Variants in ARID5A observed in about 807,000 individuals in gnomAD.
ARID5A encodes the protein AT-rich interaction domain 5A, also known as AT-rich interactive domain-containing protein 5A.
ARID5A carries 14 observed loss-of-function variants against 30.5 expected under a neutral mutation model. That is an observed-to-expected ratio of 0.46 (90% CI 0.30 to 0.72). The LOEUF (loss-of-function observed/expected upper bound fraction) is 0.72. Ranked by LOEUF, ARID5A falls within the 30% of genes least tolerant of loss-of-function variation. The pLI, the probability that ARID5A is intolerant of heterozygous loss-of-function variation, is 0.07. For missense variants in ARID5A, 669 were observed against 786.2 expected, an observed-to-expected ratio of 0.85 and a Z score of 1.78; for synonymous variants, 338 against 340.4, an observed-to-expected ratio of 0.99 and a Z score of 0.08.
rs930170207 is a variant in ARID5A, at chr2:96,549,742, C to T, written c.260-11C>T. On this transcript the variant is annotated splice_polypyrimidine_tract_variant and intron_variant, in intron 3 of 6. Coordinates refer to ENST00000357485, the MANE Select transcript of ARID5A (RefSeq NM_212481.3). The surrounding 1 kb of genome is among the most constrained non-coding windows in gnomAD (Gnocchi z 6.1). ...AGAGACTGACGGCCAGCCTGCTCTT[C>T]TCTCCCCCAGTTAACCTGTGGAAGA... 12 of 1,613,850 alleles carry T rather than the reference C, an allele frequency of 7.4e-6. No individual in the cohort carries two copies. In the African/African-American group the frequency reaches 1.5e-4, roughly 20 times the overall value.
At chr2:96,547,261 A>G in intron 1 of ARID5A, 141 bp from the exon 2 acceptor site, 1 of 641,646 alleles carries the variant, frequency 1.6e-6, no homozygotes, top group Non-Finnish European at 2.6e-6. Flanking sequence ...AAGTGCTGGG[A>G]TCACAGGAGT....
At position 96,550,859 on chromosome 2, in the gene ARID5A, C is replaced by T. The variant is rs1265282477; in HGVS notation, c.570+126C>T. On this transcript the variant is annotated intron_variant, in intron 6 of 6. Coordinates refer to ENST00000357485, the MANE Select transcript of ARID5A (RefSeq NM_212481.3). The surrounding 1 kb of genome is among the most constrained non-coding windows in gnomAD (Gnocchi z 6.6). ...GAACCTGCACCCAGGGCGGGACTTG[C>T]AAGGTTCCAGGTTCTCCACAGATGG... The T allele has an allele frequency of 7.3e-7, 1 of 1,371,270 alleles. No individual in the cohort carries two copies. The highest frequency in any genetic ancestry group is 1.5e-5 in the South Asian group (1 of 66,342). 84.9% of individuals were successfully genotyped at this position (1,371,270 alleles called of 1,614,324 possible). A position where few individuals can be genotyped will look rare whatever the true frequency, so the allele number is the denominator to read the frequency against.
At position 96,552,388 on chromosome 2, in the gene ARID5A, C is replaced by T. The variant is rs1384129488; in HGVS notation, c.*75C>T. The stretch of plus-strand genomic sequence containing the variant: ...AGGCAGGTACTGCTGCCAGGGGGCT[C>T]TGAACTAGTGCCTGCTACCCAGGAC... On this transcript the variant is annotated 3_prime_UTR_variant, in exon 7 of 7. Coordinates refer to ENST00000357485, the MANE Select transcript of ARID5A (RefSeq NM_212481.3). 6.3e-7 allele frequency: 1 copy of T among 1,597,190 alleles called. No homozygotes were observed.
In ARID5A at chr2:96,552,253, C is replaced by T. The variant is rs370124229; in HGVS notation, c.1725C>T (p.His575=). ...HRLCPASSAW[H]APPVTTYAAP... ...TTTGCCCGGCCTCATCTGCCTGGCACGCACCACCAGTCACAACCTATGCAG... is the reference window on the plus strand; with the variant it reads ...TTTGCCCGGCCTCATCTGCCTGGCATGCACCACCAGTCACAACCTATGCAG... Residue 575 remains histidine, a synonymous_variant, in exon 7 of 7, where the codon CAC becomes CAT. Transcript: ENST00000357485. 5.1e-5 allele frequency: 82 copies of T among 1,613,066 alleles called. No individual in the cohort carries two copies. Among genetic ancestry groups the T allele is most frequent in the African/African-American group, 1.2e-4 (9 of 74,956 alleles).
chr2:96,545,118 TC>T (rs559403774), intron 1 of ARID5A, among the ~76,000 whole-genome samples: 1 of 76,908 alleles, frequency 1.3e-5, no homozygotes, highest in East Asian at 6.6e-4. Context: ...CTTTTTTTCT[TC>T]TTTTTTTTTC....
chr2:96,551,521 A>C lies in ARID5A; in HGVS notation c.993A>C (p.Ala331=). 1 of 1,601,130 alleles carries C rather than the reference A, an allele frequency of 6.2e-7. No individual in the cohort carries two copies. The highest frequency in any genetic ancestry group is 1.1e-5 in the South Asian group (1 of 89,588). The change falls in exon 7 of 7, where the codon GCA becomes GCC. Residue 331 remains alanine (A), a synonymous_variant. Coordinates refer to ENST00000357485, the MANE Select transcript of ARID5A (RefSeq NM_212481.3). ...GCAGCCTCAGAGAGGAGGCGCAGGC[A>C]GGCCCCTGCCCGGCAGCCCCCATCT... is the stretch of plus-strand genomic sequence containing the variant. ...PGGSLREEAQ[A]GPCPAAPIFK... is the part of the protein sequence containing the mutation.
In ARID5A at chr2:96,549,463, C is replaced by A; in HGVS notation, c.259+4C>A. The stretch of plus-strand genomic sequence containing the variant: ...CCCCATCTCGGCTTCAAGCAGAGTG[C>A]GTCCCTGGGGTGCAGGCAGGGAGGG... On this transcript the variant is annotated splice_donor_region_variant and intron_variant, in intron 3 of 6. Transcript: ENST00000357485. The surrounding 1 kb of genome is among the most constrained non-coding windows in gnomAD (Gnocchi z 6.1). The A allele has an allele frequency of 6.2e-7, 1 of 1,612,442 alleles. No individual in the cohort carries two copies. Among genetic ancestry groups the A allele is most frequent in the Non-Finnish European group, 8.5e-7 (1 of 1,179,214 alleles).
rs1436485009 is a variant in ARID5A at position 96,550,422 on chromosome 2, G to C, written c.410+137G>C. On this transcript the variant is annotated intron_variant, in intron 5 of 6. Transcript: ENST00000357485. This position sits in a 1 kb window ranked among gnomAD's most constrained non-coding sequence, Gnocchi z 6.6. ...CCTCAGAGCTGCGGGAGCCCAGGCT[G>C]GCTGGGCGCACTCACTGAGGGAGCT... is the stretch of plus-strand genomic sequence containing the variant. 2.1e-6 allele frequency: 3 copies of C among 1,432,428 alleles called. No homozygotes were observed. In the African/African-American group the frequency reaches 4.3e-5, roughly 21 times the overall value. The allele number at this position is 1,432,428 out of a possible 1,614,324, so 88.7% of individuals were successfully genotyped here.
In ARID5A at chr2:96,552,214, C is replaced by G. The variant is rs371079913; in HGVS notation, c.1686C>G (p.Ala562=). 6.2e-7 allele frequency: 1 copy of G among 1,613,520 alleles called. No individual in the cohort carries two copies. Among genetic ancestry groups the G allele is most frequent in the Non-Finnish European group, 8.5e-7 (1 of 1,179,984 alleles). The stretch of plus-strand genomic sequence containing the variant: ...TCCCCCCAACGTCCTTCGACAGTGC[C>G]CTCCGCCACAGACTTTGCCCGGCCT... The part of the protein sequence containing the change: ...MHFPPTSFDS[A]LRHRLCPASS... Residue 562 remains alanine, a synonymous_variant, in exon 7 of 7, where the codon GCC becomes GCG. Transcript: ENST00000357485.
rs762723051 is a variant in ARID5A, at chr2:96,549,739, C to T, written c.260-14C>T. 4 of 1,613,854 alleles carry T rather than the reference C, an allele frequency of 2.5e-6. No individual in the cohort carries two copies. The Admixed American group carries it at 5.0e-5, about 20-fold the overall frequency. On this transcript the variant is annotated splice_polypyrimidine_tract_variant and intron_variant, in intron 3 of 6. Transcript: ENST00000357485. The surrounding 1 kb of genome is among the most constrained non-coding windows in gnomAD (Gnocchi z 6.1). The stretch of plus-strand genomic sequence containing the variant: ...CACAGAGACTGACGGCCAGCCTGCT[C>T]TTCTCTCCCCCAGTTAACCTGTGGA...
At position 96,549,519 on chromosome 2, in the gene ARID5A, G is replaced by A. The variant is rs1424563792; in HGVS notation, c.259+60G>A. 1 of 1,588,420 alleles carries A rather than the reference G, an allele frequency of 6.3e-7. No homozygotes were observed. ...CAGCAGGGGACCCCGCCCAGGCAGG[G>A]CATCGGGCAGGCACTCCCACTCTGG... On this transcript the variant is annotated intron_variant, in intron 3 of 6. Coordinates refer to ENST00000357485, the MANE Select transcript of ARID5A (RefSeq NM_212481.3). This position sits in a 1 kb window ranked among gnomAD's most constrained non-coding sequence, Gnocchi z 6.1.
In ARID5A at chr2:96,550,070, G is replaced by A; in HGVS notation, c.313-118G>A. 1 of 1,532,314 alleles carries A rather than the reference G, an allele frequency of 6.5e-7. No individual in the cohort carries two copies. The highest frequency in any genetic ancestry group is 8.7e-7 in the Non-Finnish European group (1 of 1,145,594). 94.9% of individuals were successfully genotyped at this position (1,532,314 alleles called of 1,614,324 possible). A position where few individuals can be genotyped will look rare whatever the true frequency, so the allele number is the denominator to read the frequency against. On this transcript the variant is annotated intron_variant, in intron 4 of 6. Transcript: ENST00000357485. This position sits in a 1 kb window ranked among gnomAD's most constrained non-coding sequence, Gnocchi z 6.6. ...AGAGAATCGGCTGGCCGCTGCTGGAGCCGCAGAGCAGCTGCCAAACTGCAG... is the reference window on the plus strand; with the variant it reads ...AGAGAATCGGCTGGCCGCTGCTGGAACCGCAGAGCAGCTGCCAAACTGCAG...
At position 96,536,759 on chromosome 2, in the gene ARID5A, A is replaced by C; in HGVS notation, c.-68A>C. 1 of 1,182,906 alleles carries C rather than the reference A, an allele frequency of 8.5e-7. No homozygotes were observed. The highest frequency in any genetic ancestry group is 1.0e-6 in the Non-Finnish European group (1 of 958,266). 73.3% of individuals were successfully genotyped at this position (1,182,906 alleles called of 1,614,324 possible). A position where few individuals can be genotyped will look rare whatever the true frequency, so the allele number is the denominator to read the frequency against. On this transcript the variant is annotated 5_prime_UTR_variant, in exon 1 of 7. Transcript: ENST00000357485. ...GCCGCGCCGCGAGCCAGTATCTCAG[A>C]GAGCGCGGGGTCCGGACAGCCGCGC...
rs527297096 is a variant in ARID5A, at chr2:96,550,232, G to A, written c.357G>A (p.Gly119=). 9.3e-4 allele frequency: 1,429 copies of A among 1,530,078 alleles called. 3 individuals carry two copies. The highest frequency in any genetic ancestry group is 1.5e-3 in the Middle Eastern group (8 of 5,220). 94.8% of individuals were successfully genotyped at this position (1,530,078 alleles called of 1,614,324 possible). ...RLWKNVYDEL[G]GSPGSTSAAT... is the part of the protein sequence containing the mutation. ...GGAAGAACGTGTACGACGAGCTGGG[G>A]GGCAGCCCAGGCAGCACCAGCGCGG... Residue 119 remains glycine (G), a synonymous_variant, in exon 5 of 7, where the codon GGG becomes GGA. Transcript: ENST00000357485. This position sits in a 1 kb window ranked among gnomAD's most constrained non-coding sequence, Gnocchi z 6.6.
At chr2:96,546,730 A>G (rs2065935525) in intron 1 of ARID5A, among the ~76,000 whole-genome samples, 1 of 152,232 alleles carries the variant, frequency 6.6e-6, no homozygotes, top group African/African-American at 2.4e-5. Context: ...TGAGGAGAGC[A>G]TGTGGCCTTA....
At chr2:96,548,858 A>G (rs2065975242) in intron 2 of ARID5A, among the ~76,000 whole-genome samples, 1 of 152,190 alleles carries the variant, frequency 6.6e-6, no homozygotes, top group Non-Finnish European at 1.5e-5. Flanking sequence ...TCACAGAGTA[A>G]CCCCAGGGCA....
Position 96,537,725 on chromosome 2 carries a change from C to A in ARID5A, c.4+895C>A. ...GGAGCTGCGGGCCAACCCGGGCCCG[C>A]GCTCCGTCCCTCCGCGGTGTCTAGG... is the stretch of plus-strand genomic sequence containing the variant. On this transcript the variant is annotated intron_variant, in intron 1 of 6. Transcript: ENST00000357485. The surrounding 1 kb of genome is among the most constrained non-coding windows in gnomAD (Gnocchi z 4.8). The A allele has an allele frequency of 2.6e-6, 1 of 381,078 alleles. No homozygotes were observed. Among genetic ancestry groups the A allele is most frequent in the Non-Finnish European group, 3.6e-6 (1 of 277,414 alleles). The allele number at this position is 381,078 out of a possible 1,614,324, so 23.6% of individuals were successfully genotyped here. A position where few individuals can be genotyped will look rare whatever the true frequency, so the allele number is the denominator to read the frequency against.
chr2:96,540,039 T>G (rs934878420), intron 1 of ARID5A, among the ~76,000 whole-genome samples: 1 of 152,200 alleles, frequency 6.6e-6, no homozygotes, highest in Non-Finnish European at 1.5e-5. Context: ...CCCAGGCAAG[T>G]TACTGAACCT....
chr2:96,545,444 C>T (rs1262672198), intron 1 of ARID5A, among the ~76,000 whole-genome samples: 1 of 152,084 alleles, frequency 6.6e-6, no homozygotes, highest in African/African-American at 2.4e-5. Context: ...GCGTGAGCCA[C>T]CGCGCCCATC....
Sources: allele counts gnomAD v4.1 joint callset (sites outside exome capture counted in the v4.1 genomes callset), GRCh38; gene constraint gnomAD v4.1.1; non-coding constraint Gnocchi (gnomAD v3.1); transcripts MANE v1.5; gene names NCBI Gene and HGNC (gene_info 2026-07-23, HGNC 2026-07-21).